The following XRN2 variants were observed in gnomAD, a reference collection of about 807,000 sequenced individuals.
XRN2 encodes the protein DHM1-like protein.
Under a neutral mutation model 138.5 loss-of-function variants are expected in XRN2, and 44 were observed. That is an observed-to-expected ratio of 0.32 (90% CI 0.25 to 0.41). XRN2 has a LOEUF of 0.41. Among genes scored for constraint, XRN2 ranks in the 10% least tolerant of loss-of-function variants. The pLI, the probability that XRN2 is intolerant of heterozygous loss-of-function variation, is 1.00. For synonymous variants in XRN2, 354 were observed against 369.4 expected, an observed-to-expected ratio of 0.96 and a Z score of 0.48; for missense variants, 937 against 1,169.3, an observed-to-expected ratio of 0.80 and a Z score of 2.90.
intron 1 of XRN2, among the ~76,000 whole-genome samples, chr20:21,325,682 G>C (rs185437942): frequency 1.7e-4 from 26 of 152,302 alleles, no homozygotes; most frequent in Admixed American, 9.1e-4. Context: ...AGTATGGCAG[G>C]ATAGGAGACT....
chr20:21,365,290 G>C, intron 24 of XRN2, 131 bp from the exon 25 acceptor site: 1 of 769,014 alleles, frequency 1.3e-6, no homozygotes, highest in East Asian at 2.8e-5. Flanking sequence ...AAGACATTTA[G>C]CCATTTGTCA....
intron 15 of XRN2, 148 bp downstream of exon 15, chr20:21,341,000 G>A: frequency 1.2e-6 from 1 of 846,740 alleles, no homozygotes; most frequent in Non-Finnish European, 1.8e-6. Context: ...GTTTAGTTCT[G>A]TTAAGTCCAT....
chr20:21,369,159 T>C (rs1358526611), intron 27 of XRN2, among the ~76,000 whole-genome samples: 1 of 152,206 alleles, frequency 6.6e-6, no homozygotes, highest in East Asian at 1.9e-4. Context: ...AGTGAGAACA[T>C]GCAAAGTTTG....
At chr20:21,368,426 A>C (rs917152481) in intron 26 of XRN2, 37 bp from the exon 27 acceptor site, 3 of 1,611,692 alleles carry the variant, frequency 1.9e-6, no homozygotes, top group Non-Finnish European at 1.7e-6. Flanking sequence ...GTATATCACT[A>C]TACAATTTTT....
chr20:21,372,306 A>G (rs927671738), intron 27 of XRN2, among the ~76,000 whole-genome samples: 2 of 152,206 alleles, frequency 1.3e-5, no homozygotes, highest in African/African-American at 2.4e-5. Context: ...TGAGCCAACA[A>G]GTGGGGAATT....
intron 1 of XRN2, among the ~76,000 whole-genome samples, chr20:21,322,742 CT>C (rs2038063826): frequency 6.6e-6 from 1 of 151,892 alleles, no homozygotes; most frequent in African/African-American, 2.4e-5. Flanking sequence ...CTTTAAATAC[CT>C]TCTTTATCTT....
chr20:21,334,276 T>TC, intron 13 of XRN2, 91 bp downstream of exon 13: 1 of 1,031,082 alleles, frequency 9.7e-7, no homozygotes, highest in Non-Finnish European at 1.4e-6. Flanking sequence ...TTTGAGTGTG[T>TC]TTTTATATCA....
intron 1 of XRN2, among the ~76,000 whole-genome samples, chr20:21,320,841 A>G (rs1165762993): frequency 6.6e-6 from 1 of 151,820 alleles, no homozygotes; most frequent in East Asian, 1.9e-4. Context: ...AGATCTTTCC[A>G]GGAATTAGTT....
intron 15 of XRN2, among the ~76,000 whole-genome samples, chr20:21,343,099 A>G (rs1483720555): frequency 1.3e-5 from 2 of 152,106 alleles, no homozygotes; most frequent in Non-Finnish European, 2.9e-5. Flanking sequence ...TCTAATTATT[A>G]TATCATTCAA....
chr20:21,330,582 T>G, intron 5 of XRN2, 34 bp from the exon 6 acceptor site: 3 of 1,613,728 alleles, frequency 1.9e-6, no homozygotes, highest in Non-Finnish European at 2.5e-6. Flanking sequence ...AACTCTTAAA[T>G]GATAGGTTAA....
intron 1 of XRN2, among the ~76,000 whole-genome samples, chr20:21,316,257 A>AAAAC (rs781434758): frequency 6.6e-6 from 1 of 152,266 alleles, no homozygotes; most frequent in South Asian, 2.1e-4. Context: ...TCAGTCTCAA[A>AAAAC]AAACAAACAA....
intron 1 of XRN2, chr20:21,303,749 G>A (rs2037773457): frequency 1.7e-6 from 2 of 1,199,690 alleles, no homozygotes; most frequent in South Asian, 3.0e-5. Flanking sequence ...CTTTTTCCCG[G>A]CACCGGAAGG....
chr20:21,342,957 G>A (rs545142918), intron 15 of XRN2, among the ~76,000 whole-genome samples: 3 of 151,992 alleles, frequency 2.0e-5, no homozygotes, highest in Non-Finnish European at 4.4e-5. Context: ...AATATTGTCT[G>A]TACCTTTTCA....
chr20:21,331,399 TCA>T (rs71806398), intron 6 of XRN2, among the ~76,000 whole-genome samples, 160 bp from the exon 7 acceptor site: 80,115 of 143,752 alleles, frequency 0.56, 22,289 homozygotes, highest in Middle Eastern at 0.64. Flanking sequence ...TTGGTGTTTT[TCA>T]CACACACACA....
chr20:21,375,010 C>CTTTTTTTTTT (rs34212552), intron 27 of XRN2, among the ~76,000 whole-genome samples: 2 of 44,680 alleles, frequency 4.5e-5, no homozygotes, highest in African/African-American at 1.8e-4. Flanking sequence ...TTGGTAAGTT[C>CTTTTTTTTTT]TTTTTTTTTT....
At position 21,332,252 on chromosome 20, in the gene XRN2, G is replaced by T. The variant is rs1223445606; in HGVS notation, c.701-31G>T. 1.9e-5 allele frequency: 30 copies of T among 1,599,298 alleles called. No individual in the cohort carries two copies. The East Asian group carries it at 6.5e-4, about 35-fold the overall frequency. ...TAAGACTTCTCTCAGAATACTCACT[G>T]TTCGATGTTTTTCTCATTGTTGATT... is the stretch of plus-strand genomic sequence containing the variant. On this transcript the variant is annotated intron_variant, in intron 8 of 29. Coordinates refer to ENST00000377191, the MANE Select transcript of XRN2 (RefSeq NM_012255.5).
At chr20:21,358,538 A>T (rs1026983356) in intron 24 of XRN2, among the ~76,000 whole-genome samples, 2 of 152,144 alleles carry the variant, frequency 1.3e-5, no homozygotes, top group African/African-American at 4.8e-5. Context: ...AAAGCCTGCT[A>T]ATCCTGAATC....
chr20:21,340,064 A>G (rs1347728102), intron 14 of XRN2, among the ~76,000 whole-genome samples: 3 of 152,200 alleles, frequency 2.0e-5, no homozygotes, highest in Admixed American at 6.5e-5. Context: ...TATGTTAGCT[A>G]TAATCATATC....
chr20:21,330,757 T>C (rs1297326520), intron 6 of XRN2, 52 bp downstream of exon 6: 1 of 1,498,908 alleles, frequency 6.7e-7, no homozygotes, highest in East Asian at 2.3e-5. Flanking sequence ...CATTCGAGGC[T>C]GTACTTTGAT....
Sources: gnomAD v4.1 joint callset for allele counts (sites outside exome capture counted in the v4.1 genomes callset) on GRCh38, gnomAD v4.1.1 for gene constraint, MANE v1.5 for transcripts, NCBI Gene and HGNC (gene_info 2026-07-23, HGNC 2026-07-21) for gene names.